The following RASGRP3 variants were observed in gnomAD, a reference collection of about 807,000 sequenced individuals.
RASGRP3 encodes the protein RAS guanyl releasing protein 3.
RASGRP3 carries 54 observed loss-of-function variants against 82.7 expected under a neutral mutation model. That is an observed-to-expected ratio of 0.65 (90% CI 0.52 to 0.82). The LOEUF (loss-of-function observed/expected upper bound fraction) is 0.82. Among genes scored for constraint, RASGRP3 ranks in the 40% least tolerant of loss-of-function variants. The pLI is 0.00. For synonymous variants in RASGRP3, 309 were observed against 300.5 expected (o/e 1.03, Z -0.29); for missense variants, 861 against 828.9 (o/e 1.04, Z -0.48).
intron 3 of RASGRP3, among the ~76,000 whole-genome samples, chr2:33,516,179 G>T (rs1242993511): frequency 1.3e-5 from 2 of 152,178 alleles, no homozygotes; most frequent in African/African-American, 4.8e-5. Context: ...GGAGGCTGAG[G>T]TGGGCGGATC....
chr2:33,441,893 GTAAC>G (rs1665244346), intron 1 of RASGRP3, among the ~76,000 whole-genome samples: 1 of 152,088 alleles, frequency 6.6e-6, no homozygotes, highest in Non-Finnish European at 1.5e-5. Flanking sequence ...GATACATTTT[GTAAC>G]TAACCTAAAT....
At chr2:33,553,775 A>C (rs1558522529) in intron 14 of RASGRP3, among the ~76,000 whole-genome samples, 1 of 151,954 alleles carries the variant, frequency 6.6e-6, no homozygotes, top group Admixed American at 6.6e-5. Context: ...TTGAGATAGA[A>C]TCTCTCTCTG....
chr2:33,528,708 G>T lies in RASGRP3; in HGVS notation c.1083+1296G>T, dbSNP rs570568002. 2.0e-5 allele frequency among the ~76,000 whole-genome samples: 3 copies of T among 152,214 alleles called. No homozygotes were observed. The South Asian group carries it at 6.2e-4, about 32-fold the overall frequency. Reference sequence around the variant, plus strand: ...CTAGACCATGTAATTGTTTACCAAAGAATAAACCCCTAAGTGTAGGCAATA... The same window carrying T: ...CTAGACCATGTAATTGTTTACCAAATAATAAACCCCTAAGTGTAGGCAATA... On this transcript the variant is annotated intron_variant, in intron 10 of 17. Transcript: ENST00000403687.
intron 1 of RASGRP3, 21 bp downstream of exon 1, chr2:33,476,728 C>CCT (rs70940205): frequency 0.47 from 66,365 of 142,314 alleles, 16,257 homozygotes; most frequent in Non-Finnish European, 0.55. Context: ...GGAGAACTTT[C>CCT]CTCTCTCTCT....
At chr2:33,545,361 T>G (rs1478321058) in intron 13 of RASGRP3, among the ~76,000 whole-genome samples, 2 of 152,242 alleles carry the variant, frequency 1.3e-5, no homozygotes, top group African/African-American at 4.8e-5. Context: ...TAGCTATTAA[T>G]TAGTACTTTT....
upstream of RASGRP3, among the ~76,000 whole-genome samples, chr2:33,473,863 A>G (rs527379156): frequency 1.4e-4 from 22 of 152,188 alleles, no homozygotes; most frequent in Non-Finnish European, 2.6e-4. Flanking sequence ...ATGGAAGACA[A>G]TTTTTCCATG....
At chr2:33,464,700 C>G (rs1293543418) in intron 2 of RASGRP3, among the ~76,000 whole-genome samples, 2 of 152,130 alleles carry the variant, frequency 1.3e-5, no homozygotes, top group African/African-American at 4.8e-5. Flanking sequence ...TAGTCTCAAA[C>G]TCTTGGGCCC....
At chr2:33,472,791 C>T (rs987584601), upstream of RASGRP3, among the ~76,000 whole-genome samples, 1 of 138,196 alleles carries the variant, frequency 7.2e-6, no homozygotes, top group Non-Finnish European at 1.5e-5. Context: ...CCCGTCTCTA[C>T]TAAAAACATG....
intron 2 of RASGRP3, among the ~76,000 whole-genome samples, chr2:33,466,178 A>G (rs1248812569): frequency 1.3e-5 from 2 of 152,198 alleles, no homozygotes; most frequent in South Asian, 2.1e-4. Flanking sequence ...GGCTATAGCT[A>G]CCATAGATAG....
chr2:33,517,698 ATAGG>A (rs1671600398), intron 4 of RASGRP3, among the ~76,000 whole-genome samples: 2 of 152,194 alleles, frequency 1.3e-5, no homozygotes, highest in Admixed American at 1.3e-4. Context: ...GGTGTAGAAA[ATAGG>A]TAAGGATGGA....
intron 1 of RASGRP3, among the ~76,000 whole-genome samples, chr2:33,510,789 CT>C (rs1670859325): frequency 6.6e-6 from 1 of 152,274 alleles, no homozygotes; most frequent in East Asian, 1.9e-4. Context: ...ATAAGTCAGA[CT>C]TTCCCCATTC....
chr2:33,531,605 T>C (rs967745172), intron 10 of RASGRP3: 2 of 152,268 alleles, frequency 1.3e-5, no homozygotes, highest in African/African-American at 4.8e-5. Flanking sequence ...TGGAGGCAGC[T>C]ATTATTTATG....
At chr2:33,508,188 G>A (rs1187265610) in intron 1 of RASGRP3, among the ~76,000 whole-genome samples, 2 of 152,130 alleles carry the variant, frequency 1.3e-5, no homozygotes, top group Non-Finnish European at 2.9e-5. Flanking sequence ...AAAATGATGA[G>A]TTCACTTTGG....
intron 2 of RASGRP3, among the ~76,000 whole-genome samples, chr2:33,455,094 A>G (rs552681699): frequency 1.3e-5 from 2 of 152,328 alleles, no homozygotes; most frequent in South Asian, 2.1e-4. Context: ...ATAGATGTCA[A>G]CTATAGCTTC....
chr2:33,466,670 ACT>A (rs1417530859), intron 2 of RASGRP3, among the ~76,000 whole-genome samples: 15 of 142,692 alleles, frequency 1.1e-4, no homozygotes, highest in Admixed American at 2.9e-4. Flanking sequence ...CAAGAGGGAA[ACT>A]CTGTATCAAA....
upstream of RASGRP3, among the ~76,000 whole-genome samples, chr2:33,472,707 A>C (rs1190556296): frequency 6.6e-6 from 1 of 152,110 alleles, no homozygotes; most frequent in Non-Finnish European, 1.5e-5. Flanking sequence ...CTGTAATCCC[A>C]GCACTTTGGG....
At chr2:33,549,500 C>A in intron 13 of RASGRP3, 104 bp from the exon 14 acceptor site, 2 of 1,139,102 alleles carry the variant, frequency 1.8e-6, no homozygotes, top group Non-Finnish European at 1.2e-6. Context: ...TGTGCCTCAA[C>A]TGCTTTTGGC....
At chr2:33,517,952 T>C (rs1671623627) in intron 4 of RASGRP3, among the ~76,000 whole-genome samples, 2 of 152,190 alleles carry the variant, frequency 1.3e-5, no homozygotes, top group African/African-American at 4.8e-5. Flanking sequence ...GCCTGGCATA[T>C]ACACAAGCTC....
chr2:33,554,452 G>C (rs541275165), intron 14 of RASGRP3, among the ~76,000 whole-genome samples: 6 of 152,098 alleles, frequency 3.9e-5, no homozygotes, highest in Non-Finnish European at 8.8e-5. Flanking sequence ...GGTGTGGGGA[G>C]GCACAGAAGG....
Sources: allele counts gnomAD v4.1 joint callset (sites outside exome capture counted in the v4.1 genomes callset), GRCh38; gene constraint gnomAD v4.1.1; transcripts MANE v1.5; gene names NCBI Gene and HGNC (gene_info 2026-07-23, HGNC 2026-07-21).